The following MTM1 variants were observed in gnomAD, a reference collection of about 807,000 sequenced individuals.
MTM1 encodes myotubularin 1.
A neutral mutation model predicts 52.1 loss-of-function variants in MTM1; 9 were observed. The observed-to-expected ratio is 0.17, with a 90% confidence interval of 0.10 to 0.30. MTM1 has a LOEUF of 0.30. Among genes scored for constraint, MTM1 ranks in the 10% least tolerant of loss-of-function variants. The pLI is 1.00. For missense variants in MTM1, 277 were observed against 470.7 expected, an observed-to-expected ratio of 0.59 and a Z score of 3.81; for synonymous variants, 136 against 163.8, an observed-to-expected ratio of 0.83 and a Z score of 1.29.
At chrX:150,589,618 T>TTA (rs781828339) in intron 1 of MTM1, among the ~76,000 whole-genome samples, 1 of 111,594 alleles carries the variant, frequency 9.0e-6, no homozygotes, top group Non-Finnish European at 1.9e-5. Flanking sequence ...CATAGTCATT[T>TTA]TATACACGAA....
At chrX:150,654,606 C>T (rs782186485) in intron 10 of MTM1, among the ~76,000 whole-genome samples, 7 of 111,763 alleles carry the variant, frequency 6.3e-5, no homozygotes, top group African/African-American at 1.3e-4. Flanking sequence ...AATGAAGTTA[C>T]ATTTCTTTAT....
At chrX:150,645,929 C>T in intron 9 of MTM1, 58 bp downstream of exon 9, 1 of 1,078,468 alleles carries the variant, frequency 9.3e-7, no homozygotes, top group Non-Finnish European at 1.3e-6. Flanking sequence ...GCAGTGTTTT[C>T]TGTGAATGTT....
chrX:150,634,557 A>G (rs976591322), intron 6 of MTM1, among the ~76,000 whole-genome samples: 1 of 110,802 alleles, frequency 9.0e-6, no homozygotes, highest in Non-Finnish European at 1.9e-5. Flanking sequence ...ACATTTTTCA[A>G]ATGTTACATT....
chrX:150,565,993 T>TACACACACACACAC (rs782745793), upstream of MTM1, among the ~76,000 whole-genome samples: 20 of 88,444 alleles, frequency 2.3e-4, no homozygotes, highest in South Asian at 6.5e-4. Flanking sequence ...TGAAGATTCC[T>TACACACACACACAC]ACACACACAC....
intron 4 of MTM1, among the ~76,000 whole-genome samples, chrX:150,612,045 A>G (rs2039289630): frequency 9.0e-6 from 1 of 110,673 alleles, no homozygotes; most frequent in Admixed American, 9.6e-5. Context: ...AAGTACAAAA[A>G]TTAGCCAGGT....
At chrX:150,641,172 A>T (rs1277606892) in intron 7 of MTM1, 97 bp from the exon 8 acceptor site, 1 of 911,542 alleles carries the variant, frequency 1.1e-6, no homozygotes, top group Non-Finnish European at 1.6e-6. Context: ...TCAAAGAGGC[A>T]TGTGCACATA....
At chrX:150,621,347 A>C (rs2039478241) in intron 6 of MTM1, among the ~76,000 whole-genome samples, 1 of 109,466 alleles carries the variant, frequency 9.1e-6, no homozygotes, top group Non-Finnish European at 1.9e-5. Flanking sequence ...ACACCCAGCT[A>C]TTTCCTCTCT....
chrX:150,623,249 G>T (rs1461380775), intron 6 of MTM1, among the ~76,000 whole-genome samples: 3 of 111,390 alleles, frequency 2.7e-5, no homozygotes, highest in African/African-American at 9.8e-5. Flanking sequence ...GATGTCATGG[G>T]TGTCAGTGCT....
At chrX:150,562,762 C>T in the MTM1 span, among the ~76,000 whole-genome samples, 1 of 111,856 alleles carries the variant, frequency 8.9e-6, no homozygotes, top group African/African-American at 3.3e-5. Flanking sequence ...GCGGGGCCTC[C>T]TCAAGGAGGC....
intron 6 of MTM1, among the ~76,000 whole-genome samples, chrX:150,635,127 C>T (rs953526590): frequency 1.8e-5 from 2 of 112,134 alleles, no homozygotes; most frequent in Admixed American, 1.9e-4. Flanking sequence ...AAGAAAGCCA[C>T]GTAGGACTTG....
chrX:150,593,886 A>G (rs2038930481), intron 2 of MTM1, among the ~76,000 whole-genome samples: 1 of 110,109 alleles, frequency 9.1e-6, no homozygotes. Flanking sequence ...AGATTGTTTG[A>G]GCCTGGGAGG....
chrX:150,603,185 A>G (rs1157512243), intron 4 of MTM1, among the ~76,000 whole-genome samples: 2 of 112,126 alleles, frequency 1.8e-5, no homozygotes, highest in African/African-American at 3.2e-5. Flanking sequence ...ATGTATAACA[A>G]TATGGAAAAG....
chrX:150,650,112 C>T (rs868919767), intron 10 of MTM1, among the ~76,000 whole-genome samples: 5 of 111,850 alleles, frequency 4.5e-5, no homozygotes, highest in African/African-American at 1.6e-4. Context: ...TTAGAGTTTG[C>T]AAAGACATCT....
At chrX:150,623,866 T>A (rs782336674) in intron 6 of MTM1, among the ~76,000 whole-genome samples, 3 of 111,695 alleles carry the variant, frequency 2.7e-5, no homozygotes, top group African/African-American at 9.8e-5. Flanking sequence ...GTTAATATTA[T>A]TGGAACTGTT....
chrX:150,569,318 T>G (rs987730186), intron 1 of MTM1, among the ~76,000 whole-genome samples: 6 of 113,608 alleles, frequency 5.3e-5, no homozygotes, highest in Non-Finnish European at 9.4e-5. Flanking sequence ...GTTGCCTCCC[T>G]TAACTGTCTT....
At chrX:150,602,377 A>G (rs782345587) in intron 4 of MTM1, among the ~76,000 whole-genome samples, 2 of 112,244 alleles carry the variant, frequency 1.8e-5, no homozygotes, top group South Asian at 3.7e-4. Context: ...ATTTGCTGCT[A>G]TGTCTGTGGT....
At chrX:150,653,063 G>A (rs1432467732) in intron 10 of MTM1, among the ~76,000 whole-genome samples, 4 of 111,520 alleles carry the variant, frequency 3.6e-5, no homozygotes, top group African/African-American at 9.8e-5. Context: ...TAGCAAAGGG[G>A]ATATGAAAGA....
chrX:150,655,088 G>A (rs954384181), intron 10 of MTM1, among the ~76,000 whole-genome samples: 1 of 110,755 alleles, frequency 9.0e-6, no homozygotes, highest in Admixed American at 9.6e-5. Flanking sequence ...CACTTTGGGA[G>A]GCCGAGGCGG....
intron 1 of MTM1, among the ~76,000 whole-genome samples, chrX:150,579,616 C>T (rs1441928693): frequency 1.8e-5 from 2 of 110,545 alleles, no homozygotes; most frequent in Non-Finnish European, 3.8e-5. Context: ...CCTCCTCAGC[C>T]TCTCAAGTAG....
Sources: allele counts gnomAD v4.1 joint callset (sites outside exome capture counted in the v4.1 genomes callset), GRCh38; gene constraint gnomAD v4.1.1; transcripts MANE v1.5; gene names NCBI Gene and HGNC (gene_info 2026-07-23, HGNC 2026-07-21).